The following MIB1 variants were observed in gnomAD, a reference collection of about 807,000 sequenced individuals.
MIB1 encodes the protein E3 ubiquitin-protein ligase MIB1.
A neutral mutation model predicts 124.5 loss-of-function variants in MIB1; 278 were observed. The ratio of observed to expected loss-of-function variants is 2.23; its 90% CI spans 2.02 to 2.47. The LOEUF (loss-of-function observed/expected upper bound fraction) is 2.47, where lower values mean the gene tolerates loss of function less well. MIB1 is among the 30% of genes most tolerant of loss of function. The pLI, the probability that MIB1 is intolerant of heterozygous loss-of-function variation, is 0.00. For missense variants in MIB1, 957 were observed against 1,254.4 expected (o/e 0.76, Z 3.58); for synonymous variants, 446 against 429.4 (o/e 1.04, Z -0.48).
intron 1 of MIB1, among the ~76,000 whole-genome samples, chr18:21,758,982 A>G (rs912858961): frequency 9.2e-5 from 14 of 152,242 alleles, no homozygotes; most frequent in Admixed American, 7.2e-4. Flanking sequence ...ATACAAGTGA[A>G]TAAATGAGTA....
At chr18:21,785,457 T>C (rs1241296894) in intron 6 of MIB1, among the ~76,000 whole-genome samples, 1 of 152,212 alleles carries the variant, frequency 6.6e-6, no homozygotes, top group Non-Finnish European at 1.5e-5. Context: ...ACAGGTGACG[T>C]CTTAACTTTG....
chr18:21,820,921 C>T (rs1394848299), intron 12 of MIB1, among the ~76,000 whole-genome samples: 1 of 152,258 alleles, frequency 6.6e-6, no homozygotes, highest in East Asian at 1.9e-4. Context: ...ATCACCTTTT[C>T]TGTATTATGG....
At chr18:21,725,184 A>T (rs1217971582) in intron 1 of MIB1, among the ~76,000 whole-genome samples, 1 of 151,640 alleles carries the variant, frequency 6.6e-6, no homozygotes, top group Non-Finnish European at 1.5e-5. Flanking sequence ...TACTTATTGC[A>T]CTATTTGTGG....
chr18:21,798,737 C>G (rs1376102366), intron 8 of MIB1, among the ~76,000 whole-genome samples: 1 of 152,004 alleles, frequency 6.6e-6, no homozygotes, highest in Non-Finnish European at 1.5e-5. Context: ...ATGTGAACAT[C>G]CTGGATGCTT....
At chr18:21,837,403 G>A (rs2042043850) in intron 12 of MIB1, among the ~76,000 whole-genome samples, 1 of 152,204 alleles carries the variant, frequency 6.6e-6, no homozygotes, top group Admixed American at 6.5e-5. Flanking sequence ...AGCTACTCGG[G>A]AGGCTGAGGC....
intron 1 of MIB1, among the ~76,000 whole-genome samples, chr18:21,758,246 A>G (rs1304203221): frequency 2.0e-5 from 3 of 152,236 alleles, no homozygotes; most frequent in Non-Finnish European, 2.9e-5. Context: ...CTCTAGAGAA[A>G]GGAATGTGGA....
intron 1 of MIB1, among the ~76,000 whole-genome samples, chr18:21,758,561 G>A (rs2146396981): frequency 6.6e-6 from 1 of 151,356 alleles, no homozygotes; most frequent in African/African-American, 2.4e-5. Flanking sequence ...TTGAGACAGA[G>A]TCTCACTCTG....
chr18:21,772,421 T>G (rs989715304), intron 3 of MIB1, among the ~76,000 whole-genome samples: 4 of 152,118 alleles, frequency 2.6e-5, no homozygotes, highest in Non-Finnish European at 5.9e-5. Context: ...AGGTTGAACA[T>G]TCCAAATAAA....
chr18:21,713,951 C>T (rs1357145330), intron 1 of MIB1, among the ~76,000 whole-genome samples: 1 of 152,122 alleles, frequency 6.6e-6, no homozygotes, highest in Non-Finnish European at 1.5e-5. Context: ...ACATTCCTTA[C>T]AGGATGAAAT....
intron 6 of MIB1, among the ~76,000 whole-genome samples, chr18:21,788,277 G>A (rs1340762410): frequency 6.6e-6 from 1 of 152,128 alleles, no homozygotes; most frequent in Non-Finnish European, 1.5e-5. Context: ...GTTCTTTGGG[G>A]AAGTGATATT....
intron 1 of MIB1, among the ~76,000 whole-genome samples, chr18:21,718,110 G>A (rs1302197753): frequency 6.6e-6 from 1 of 152,210 alleles, no homozygotes; most frequent in East Asian, 1.9e-4. Context: ...TGAGATTGGA[G>A]ACTTATTCTA....
At chr18:21,847,337 A>G (rs2042143806) in intron 16 of MIB1, among the ~76,000 whole-genome samples, 2 of 152,260 alleles carry the variant, frequency 1.3e-5, no homozygotes, top group East Asian at 1.9e-4. Context: ...CACATTATTG[A>G]GTGCAATGCT....
chr18:21,786,164 T>C (rs2155981), intron 6 of MIB1, among the ~76,000 whole-genome samples: 5,004 of 152,138 alleles, frequency 0.033, 306 homozygotes, highest in African/African-American at 0.11. Flanking sequence ...TGGCACGATC[T>C]CGGCTCACTG....
intron 1 of MIB1, among the ~76,000 whole-genome samples, chr18:21,729,732 C>T (rs924717463): frequency 5.3e-5 from 8 of 152,248 alleles, no homozygotes; most frequent in South Asian, 2.1e-4. Flanking sequence ...TCAAGTGATC[C>T]GCCTGCCTCA....
chr18:21,732,701 GAAACAAACGATTTTTTAAGATTAGT>G (rs2040777572), intron 1 of MIB1, among the ~76,000 whole-genome samples: 1 of 152,032 alleles, frequency 6.6e-6, no homozygotes, highest in Non-Finnish European at 1.5e-5. Flanking sequence ...TTAAGATTAG[GAAACAAACGATTTTTTAAGATTAGT>G]AAACAAAAAG....
chr18:21,781,303 C>T (rs1272310952), intron 6 of MIB1, among the ~76,000 whole-genome samples: 1 of 141,080 alleles, frequency 7.1e-6, no homozygotes, highest in Non-Finnish European at 1.5e-5. Context: ...TGGGGCTTTT[C>T]TCTGATGGGA....
At chr18:21,778,648 T>C (rs928790773) in intron 5 of MIB1, among the ~76,000 whole-genome samples, 1 of 152,182 alleles carries the variant, frequency 6.6e-6, no homozygotes, top group Non-Finnish European at 1.5e-5. Context: ...TGTAGATTTA[T>C]TGTTGCCTGG....
chr18:21,736,324 T>A (rs1031758181), upstream of MIB1, among the ~76,000 whole-genome samples: 2 of 152,034 alleles, frequency 1.3e-5, no homozygotes, highest in Non-Finnish European at 2.9e-5. Flanking sequence ...CAGAAAGGAA[T>A]AGTATCAACA....
intron 16 of MIB1, among the ~76,000 whole-genome samples, chr18:21,848,407 A>T (rs142739498): frequency 6.6e-6 from 1 of 152,202 alleles, no homozygotes; most frequent in Non-Finnish European, 1.5e-5. Context: ...CCGAGATCAC[A>T]CCACTGTACT....
Sources: allele counts gnomAD v4.1 joint callset (sites outside exome capture counted in the v4.1 genomes callset), GRCh38; gene constraint gnomAD v4.1.1; transcripts MANE v1.5; gene names NCBI Gene and HGNC (gene_info 2026-07-23, HGNC 2026-07-21).